The following PSMD14 variants were observed in gnomAD, a reference collection of about 807,000 sequenced individuals.
PSMD14 encodes ubiquitin C-terminal hydrolase PSMD14.
In PSMD14, 7 loss-of-function variants were observed where a neutral mutation model predicts 41.2. The ratio of observed to expected loss-of-function variants is 0.17; its 90% CI spans 0.10 to 0.32. The LOEUF (loss-of-function observed/expected upper bound fraction) is 0.32, where lower values mean the gene tolerates loss of function less well. PSMD14 is among the 10% of genes least tolerant of loss of function. The pLI, the probability that PSMD14 is intolerant of heterozygous loss-of-function variation, is 1.00. For synonymous variants in PSMD14, 114 were observed against 122.3 expected (o/e 0.93, Z 0.45); for missense variants, 139 against 375.6 (o/e 0.37, Z 5.21).
At chr2:161,373,010 GTAAA>G (rs1265669954) in intron 7 of PSMD14, among the ~76,000 whole-genome samples, 2 of 151,716 alleles carry the variant, frequency 1.3e-5, no homozygotes, top group African/African-American at 2.4e-5. Flanking sequence ...TCAAAATAGA[GTAAA>G]TAAATGTAAA....
At chr2:161,403,980 A>G (rs531292898) in intron 10 of PSMD14, among the ~76,000 whole-genome samples, 22 of 151,730 alleles carry the variant, frequency 1.4e-4, no homozygotes, top group Non-Finnish European at 2.9e-4. Context: ...ATCATAGCTC[A>G]CTGCAGTCTT....
At chr2:161,343,464 G>A (rs192091616) in intron 3 of PSMD14, among the ~76,000 whole-genome samples, 1 of 152,276 alleles carries the variant, frequency 6.6e-6, no homozygotes, top group Admixed American at 6.5e-5. Flanking sequence ...TTCATCTATT[G>A]ATGAGCAGTT....
At chr2:161,402,743 A>G (rs1683897240) in intron 10 of PSMD14, among the ~76,000 whole-genome samples, 1 of 152,190 alleles carries the variant, frequency 6.6e-6, no homozygotes, top group Non-Finnish European at 1.5e-5. Flanking sequence ...TGCAGCAACA[A>G]GAAGACAATC....
intron 1 of PSMD14, among the ~76,000 whole-genome samples, chr2:161,309,166 A>G (rs960022819): frequency 7.2e-5 from 11 of 152,200 alleles, no homozygotes; most frequent in African/African-American, 2.7e-4. Flanking sequence ...TTTCAATATC[A>G]TACTAATTGA....
At chr2:161,377,855 A>G (rs1277593818) in intron 7 of PSMD14, among the ~76,000 whole-genome samples, 3 of 151,898 alleles carry the variant, frequency 2.0e-5, no homozygotes, top group Non-Finnish European at 4.4e-5. Context: ...CATTGGTTCA[A>G]CAGACACTTG....
At chr2:161,387,761 A>G (rs1404019357) in intron 8 of PSMD14, among the ~76,000 whole-genome samples, 1 of 151,908 alleles carries the variant, frequency 6.6e-6, no homozygotes, top group African/African-American at 2.4e-5. Context: ...TTCCTTGTCC[A>G]TATTTCTTAA....
intron 3 of PSMD14, among the ~76,000 whole-genome samples, chr2:161,332,835 G>A (rs1276507510): frequency 6.6e-6 from 1 of 152,184 alleles, no homozygotes; most frequent in Non-Finnish European, 1.5e-5. Flanking sequence ...TTCTTTCATA[G>A]CCTTTCCAGT....
chr2:161,386,248 C>T (rs1035331348), intron 8 of PSMD14, among the ~76,000 whole-genome samples: 6 of 151,618 alleles, frequency 4.0e-5, no homozygotes, highest in Non-Finnish European at 8.9e-5. Flanking sequence ...TGTTTTTAAA[C>T]GCACCACAGT....
intron 8 of PSMD14, among the ~76,000 whole-genome samples, chr2:161,388,801 G>A (rs949055933): frequency 6.6e-5 from 10 of 152,024 alleles, no homozygotes; most frequent in Admixed American, 2.0e-4. Flanking sequence ...TATATAATCC[G>A]TAAGCCGTGT....
intron 3 of PSMD14, among the ~76,000 whole-genome samples, chr2:161,323,682 A>G (rs527752360): frequency 6.6e-6 from 1 of 152,112 alleles, no homozygotes; most frequent in Non-Finnish European, 1.5e-5. Flanking sequence ...AAAAGTTAAT[A>G]TTTGAATAGT....
At chr2:161,321,355 T>C (rs1682587808) in intron 3 of PSMD14, among the ~76,000 whole-genome samples, 1 of 152,242 alleles carries the variant, frequency 6.6e-6, no homozygotes, top group South Asian at 2.1e-4. Context: ...CATGGACATT[T>C]TATGAGTGAA....
At chr2:161,327,631 A>G (rs1293613905) in intron 3 of PSMD14, among the ~76,000 whole-genome samples, 1 of 152,120 alleles carries the variant, frequency 6.6e-6, no homozygotes, top group Non-Finnish European at 1.5e-5. Flanking sequence ...AATATTACTA[A>G]TTATTATCCC....
At chr2:161,371,353 A>C (rs561640361) in intron 7 of PSMD14, 31 bp downstream of exon 7, 1 of 1,583,318 alleles carries the variant, frequency 6.3e-7, no homozygotes, top group Non-Finnish European at 8.6e-7. Flanking sequence ...ATTGCCATCT[A>C]CTGCCACATT....
At chr2:161,359,724 T>A (rs1683262672) in intron 3 of PSMD14, among the ~76,000 whole-genome samples, 2 of 152,154 alleles carry the variant, frequency 1.3e-5, no homozygotes, top group South Asian at 4.1e-4. Context: ...AGGAAATGGC[T>A]CCAGGTGGCA....
intron 10 of PSMD14, among the ~76,000 whole-genome samples, chr2:161,401,387 G>C (rs1199944380): frequency 6.6e-6 from 1 of 152,220 alleles, no homozygotes; most frequent in Admixed American, 6.5e-5. Flanking sequence ...ATCCCCATTT[G>C]TTCAAGGGTC....
chr2:161,344,650 A>G (rs112255012), intron 3 of PSMD14, among the ~76,000 whole-genome samples: 2,829 of 152,334 alleles, frequency 0.019, 84 homozygotes, highest in African/African-American at 0.064. Flanking sequence ...TTTTTATTGT[A>G]TAGATCCATA....
chr2:161,348,576 C>A (rs1353567517), intron 3 of PSMD14, among the ~76,000 whole-genome samples: 1 of 152,150 alleles, frequency 6.6e-6, no homozygotes, highest in Non-Finnish European at 1.5e-5. Context: ...ATAGTTCATA[C>A]TAATGAAAAA....
At chr2:161,394,172 A>C (rs748031035) in intron 9 of PSMD14, among the ~76,000 whole-genome samples, 1 of 151,796 alleles carries the variant, frequency 6.6e-6, no homozygotes, top group Non-Finnish European at 1.5e-5. Context: ...GGCTTTCACC[A>C]TTTTAACCAG....
Position 161,331,799 on chromosome 2 carries a change from A to G in PSMD14, c.48+12926A>G, listed in dbSNP as rs192915355. On this transcript the variant is annotated intron_variant, in intron 3 of 11. Coordinates refer to ENST00000409682, the MANE Select transcript of PSMD14 (RefSeq NM_005805.6). ...TGGGGTGGGGGAGCAGAGGAGAGCC[A>G]AAAGGACTGATGCTGAGTACCTTCC... Among the ~76,000 whole-genome samples the G allele has an allele frequency of 1.8e-3, 280 of 152,332 alleles. 3 individuals carry two copies. The highest frequency in any genetic ancestry group is 3.5e-3 in the Non-Finnish European group (238 of 68,026).
Sources: allele counts gnomAD v4.1 joint callset (sites outside exome capture counted in the v4.1 genomes callset), GRCh38; gene constraint gnomAD v4.1.1; transcripts MANE v1.5; gene names NCBI Gene and HGNC (gene_info 2026-07-23, HGNC 2026-07-21).